Variants in BRINP3 observed in about 807,000 individuals in gnomAD.
The protein encoded by BRINP3 is BMP/retinoic acid inducible neural specific 3, also known as BMP/retinoic acid-inducible neural-specific protein 3.
In BRINP3, 19 loss-of-function variants were observed where a neutral mutation model predicts 71.0. The ratio of observed to expected loss-of-function variants is 0.27; its 90% CI spans 0.19 to 0.39. The LOEUF is 0.39. BRINP3 is among the 10% of genes least tolerant of loss of function. The pLI is 1.00. For synonymous variants in BRINP3, 380 were observed against 337.7 expected (o/e 1.13, Z -1.37); for missense variants, 959 against 940.8 (o/e 1.02, Z -0.25).
chr1:190,406,364 C>T (rs1571969215), intron 2 of BRINP3, among the ~76,000 whole-genome samples: 1 of 152,180 alleles, frequency 6.6e-6, no homozygotes. Context: ...TTCTATGGAC[C>T]ATATTTCATA....
At chr1:190,196,995 A>G (rs1654542776) in intron 6 of BRINP3, among the ~76,000 whole-genome samples, 1 of 151,532 alleles carries the variant, frequency 6.6e-6, no homozygotes, top group South Asian at 2.1e-4. Flanking sequence ...TTCTCATGCC[A>G]CTAATAAAGT....
intron 7 of BRINP3, among the ~76,000 whole-genome samples, chr1:190,156,639 T>A (rs935206249): frequency 2.6e-5 from 4 of 151,928 alleles, no homozygotes; most frequent in African/African-American, 9.7e-5. Context: ...CAAACTTCAA[T>A]AAACAAATTT....
chr1:190,308,715 G>T (rs1195905768), intron 2 of BRINP3, among the ~76,000 whole-genome samples: 1 of 151,822 alleles, frequency 6.6e-6, no homozygotes, highest in Non-Finnish European at 1.5e-5. Context: ...AGGAGGAGAG[G>T]AAATGTAGTT....
At chr1:190,281,130 T>C (rs1013609241) in intron 3 of BRINP3, among the ~76,000 whole-genome samples, 7 of 151,960 alleles carry the variant, frequency 4.6e-5, no homozygotes, top group African/African-American at 1.7e-4. Context: ...CTACAATCTG[T>C]ATCAACTACA....
At chr1:190,125,567 T>C (rs1654020971) in intron 7 of BRINP3, among the ~76,000 whole-genome samples, 1 of 151,996 alleles carries the variant, frequency 6.6e-6, no homozygotes. Flanking sequence ...TTCTGCATGG[T>C]TCATTTGATT....
At chr1:190,476,520 G>T (rs903704963) in intron 1 of BRINP3, among the ~76,000 whole-genome samples, 3 of 152,144 alleles carry the variant, frequency 2.0e-5, no homozygotes, top group Non-Finnish European at 4.4e-5. Flanking sequence ...CGGAAGAGGA[G>T]GTGATAATCT....
At chr1:190,262,846 T>C (rs937472914) in intron 4 of BRINP3, among the ~76,000 whole-genome samples, 1 of 152,200 alleles carries the variant, frequency 6.6e-6, no homozygotes, top group African/African-American at 2.4e-5. Context: ...AGAGTCTAAA[T>C]ACAATGCCTG....
rs1208122049 is a variant in BRINP3 at position 190,396,712 on chromosome 1, TGATA to T, written c.236+57939_236+57942del. On this transcript the variant is annotated intron_variant, in intron 2 of 7. Coordinates refer to ENST00000367462, the MANE Select transcript of BRINP3 (RefSeq NM_199051.3). The stretch of plus-strand genomic sequence containing the variant: ...AACGCACTATGCATTCCTAATTTAA[TGATA>T]TATATATATATATATATATATATGT... Among the ~76,000 whole-genome samples the T allele has an allele frequency of 2.7e-3, 103 of 38,306 alleles. 2 individuals are homozygous for T. The highest frequency in any genetic ancestry group is 9.9e-3 in the African/African-American group (102 of 10,310). The allele number at this position is 38,306 out of a possible 152,430, so 25.1% of individuals were successfully genotyped here.
chr1:190,396,443 A>C (rs1473384728), intron 2 of BRINP3, among the ~76,000 whole-genome samples: 1 of 151,162 alleles, frequency 6.6e-6, no homozygotes, highest in Non-Finnish European at 1.5e-5. Flanking sequence ...GACCAGCCAG[A>C]GTAGGTTTGA....
At chr1:190,249,882 T>A (rs1659976383) in intron 4 of BRINP3, among the ~76,000 whole-genome samples, 2 of 151,816 alleles carry the variant, frequency 1.3e-5, no homozygotes, top group South Asian at 2.1e-4. Flanking sequence ...AAGGAAAAAA[T>A]CATTTTTAAG....
intron 2 of BRINP3, among the ~76,000 whole-genome samples, chr1:190,420,091 A>G (rs1191930249): frequency 6.6e-6 from 1 of 152,044 alleles, no homozygotes; most frequent in African/African-American, 2.4e-5. Flanking sequence ...GCAGGTGGTC[A>G]TGTCTTAAAA....
intron 7 of BRINP3, among the ~76,000 whole-genome samples, chr1:190,107,112 T>C (rs1652241927): frequency 6.6e-6 from 1 of 152,006 alleles, no homozygotes; most frequent in South Asian, 2.1e-4. Context: ...AAAATAGTTT[T>C]ATTAGATTTG....
chr1:190,108,426 T>G (rs2102271640), intron 7 of BRINP3, among the ~76,000 whole-genome samples: 1 of 151,988 alleles, frequency 6.6e-6, no homozygotes, highest in East Asian at 1.9e-4. Context: ...AAAAGTCGGC[T>G]CATTTAAAAT....
At chr1:190,459,661 C>T (rs747515459) in intron 1 of BRINP3, among the ~76,000 whole-genome samples, 1 of 151,978 alleles carries the variant, frequency 6.6e-6, no homozygotes, top group East Asian at 1.9e-4. Context: ...ATTAACATTG[C>T]AAACTGTATC....
At chr1:190,451,538 A>G (rs1346292321) in intron 2 of BRINP3, among the ~76,000 whole-genome samples, 1 of 152,176 alleles carries the variant, frequency 6.6e-6, no homozygotes, top group Non-Finnish European at 1.5e-5. Flanking sequence ...TTCTCCAGGA[A>G]TAGCTCACTT....
chr1:190,323,374 T>C (rs762274468), intron 2 of BRINP3, among the ~76,000 whole-genome samples: 17 of 151,964 alleles, frequency 1.1e-4, no homozygotes, highest in Non-Finnish European at 2.5e-4. Flanking sequence ...GATTTTCAAA[T>C]ATAGTTGTCA....
chr1:190,267,407 T>C (rs1571574041), intron 3 of BRINP3, among the ~76,000 whole-genome samples: 1 of 152,000 alleles, frequency 6.6e-6, no homozygotes, highest in Non-Finnish European at 1.5e-5. Context: ...TAGGCTAACT[T>C]AAGGCAAAAT....
intron 7 of BRINP3, among the ~76,000 whole-genome samples, chr1:190,100,074 A>T (rs1651568135): frequency 6.6e-6 from 1 of 152,166 alleles, no homozygotes; most frequent in South Asian, 2.1e-4. Context: ...CCTCTATAAC[A>T]CACAGTTCTC....
chr1:190,142,199 T>C (rs1001644210), intron 7 of BRINP3, among the ~76,000 whole-genome samples: 2 of 152,268 alleles, frequency 1.3e-5, no homozygotes, highest in East Asian at 1.9e-4. Context: ...AAAAAAGTGC[T>C]TGCCTCAGAA....
Sources: allele counts gnomAD v4.1 joint callset (sites outside exome capture counted in the v4.1 genomes callset), GRCh38; gene constraint gnomAD v4.1.1; transcripts MANE v1.5; gene names NCBI Gene and HGNC (gene_info 2026-07-23, HGNC 2026-07-21).